CTBP2: variants seen among roughly 807,000 people sequenced by gnomAD.
The protein encoded by CTBP2 is C-terminal-binding protein 2.
In CTBP2, 30 loss-of-function variants were observed where a neutral mutation model predicts 80.3. That is an observed-to-expected ratio of 0.37 (90% CI 0.28 to 0.51). CTBP2 has a LOEUF of 0.51. Among genes scored for constraint, CTBP2 ranks in the 20% least tolerant of loss-of-function variants. The pLI is 0.93. For missense variants in CTBP2, 1,212 were observed against 1,375.3 expected (o/e 0.88, Z 1.88); for synonymous variants, 594 against 587.4 (o/e 1.01, Z -0.16).
At chr10:125,012,650 GTTGTT>G (rs1206396511) in intron 1 of CTBP2, among the ~76,000 whole-genome samples, 1 of 152,208 alleles carries the variant, frequency 6.6e-6, no homozygotes, top group Non-Finnish European at 1.5e-5. Flanking sequence ...TGTTGTTGTT[GTTGTT>G]TTGAGATGGA....
chr10:125,137,274 G>A (rs1476082723), intron 1 of CTBP2, among the ~76,000 whole-genome samples: 1 of 152,168 alleles, frequency 6.6e-6, no homozygotes, highest in Non-Finnish European at 1.5e-5. Flanking sequence ...GTCCCTTCTG[G>A]GGGCAGCGGC....
chr10:125,134,793 TTCCCCCA>T (rs1262916597), intron 1 of CTBP2, among the ~76,000 whole-genome samples: 6 of 101,760 alleles, frequency 5.9e-5, no homozygotes, highest in Non-Finnish European at 9.9e-5. Flanking sequence ...TCCTCCCATC[TTCCCCCA>T]GCCTTTCCCT....
At chr10:125,054,981 C>G (rs150696748) in intron 2 of CTBP2, among the ~76,000 whole-genome samples, 95 of 152,276 alleles carry the variant, frequency 6.2e-4, no homozygotes, top group African/African-American at 2.3e-3. Flanking sequence ...CAGGGCTACG[C>G]TCAACATGCA....
chr10:125,130,016 C>G (rs1037252322), intron 1 of CTBP2, among the ~76,000 whole-genome samples: 5 of 151,216 alleles, frequency 3.3e-5, no homozygotes, highest in Admixed American at 2.6e-4. Flanking sequence ...AAAGAACCCC[C>G]AGGTATAGCC....
rs915173698 is a variant in CTBP2 at position 125,157,455 on chromosome 10, A to C, written c.-206+2864T>G. ...TTACCTTATCTTTCTGAACAGGAAAAAGAATTAAACCCAAACCACCTAGTC... is the reference window on the plus strand; with the variant it reads ...TTACCTTATCTTTCTGAACAGGAAACAGAATTAAACCCAAACCACCTAGTC... On this transcript the variant is annotated intron_variant, in intron 1 of 10. Transcript: ENST00000337195. 3.3e-5 allele frequency among the ~76,000 whole-genome samples: 5 copies of C among 152,178 alleles called. No homozygotes were observed. The East Asian group carries it at 7.7e-4, about 23-fold the overall frequency.
rs558911144 is a variant in CTBP2 at position 125,066,972 on chromosome 10, C to T, written c.-101-27817G>A. Among the ~76,000 whole-genome samples, 10 of 152,266 alleles carry T rather than the reference C, an allele frequency of 6.6e-5. No homozygotes were observed. The East Asian group carries it at 1.7e-3, about 26-fold the overall frequency. Reference sequence around the variant, plus strand: ...GGCAAGGCTGCTGAATTCCTGAAGTCCCCGCCTGACCACCAGGCCCAGGTA... The same window carrying T: ...GGCAAGGCTGCTGAATTCCTGAAGTTCCCGCCTGACCACCAGGCCCAGGTA... On this transcript the variant is annotated intron_variant, in intron 2 of 10. Coordinates refer to the CTBP2 transcript ENST00000337195. The surrounding 1 kb of genome is among the most constrained non-coding windows in gnomAD (Gnocchi z 4.1).
intron 1 of CTBP2, among the ~76,000 whole-genome samples, chr10:125,025,637 C>T (rs571383740): frequency 1.3e-5 from 2 of 152,316 alleles, no homozygotes; most frequent in South Asian, 2.1e-4. Flanking sequence ...CACACGATCA[C>T]GCCCTTCTAA....
intron 2 of CTBP2, among the ~76,000 whole-genome samples, chr10:125,061,121 A>C (rs1363546937): frequency 2.0e-5 from 3 of 152,202 alleles, no homozygotes; most frequent in Non-Finnish European, 4.4e-5. Flanking sequence ...CCTTCCTGGG[A>C]CCATCCCAGC....
intron 2 of CTBP2, among the ~76,000 whole-genome samples, chr10:125,087,743 C>T (rs934865485): frequency 3.3e-5 from 5 of 152,344 alleles, no homozygotes; most frequent in Admixed American, 6.5e-5. Context: ...CCACAGCATG[C>T]CACAACATGC....
In CTBP2 at chr10:124,984,782, T is replaced by C; in HGVS notation, c.*4736A>G. ...TCATATTCCTCCAAAAGCTAGGTAA[T>C]GAGGAACAGCAAGAAAAACTGCTCA... On this transcript the variant is annotated 3_prime_UTR_variant, in exon 9 of 9. Transcript: ENST00000309035. The C allele has an allele frequency of 1.9e-6, 3 of 1,613,442 alleles. No individual in the cohort carries two copies. The highest frequency in any genetic ancestry group is 2.5e-6 in the Non-Finnish European group (3 of 1,179,590).
chr10:125,077,254 A>G (rs1056173803), intron 2 of CTBP2, among the ~76,000 whole-genome samples: 4 of 152,234 alleles, frequency 2.6e-5, no homozygotes, highest in Non-Finnish European at 5.9e-5. Context: ...AGGTTTATAT[A>G]CATAAAGAAA....
chr10:124,995,238 G>A (rs1237858077), intron 4 of CTBP2, among the ~76,000 whole-genome samples: 2 of 152,218 alleles, frequency 1.3e-5, no homozygotes, highest in Admixed American at 1.3e-4. Flanking sequence ...TGGGCGGGAG[G>A]CAGGGCACAT....
intron 2 of CTBP2, among the ~76,000 whole-genome samples, chr10:125,060,256 A>AG (rs11375562): frequency 1 from 152,318 of 152,340 alleles, 76,148 homozygotes; most frequent in Middle Eastern, 1. Flanking sequence ...AGGAAAACAA[A>AG]GCTCTGGAGC....
At chr10:125,082,745 A>C (rs1290620486) in intron 2 of CTBP2, among the ~76,000 whole-genome samples, 1 of 151,842 alleles carries the variant, frequency 6.6e-6, no homozygotes, top group Middle Eastern at 3.2e-3. Flanking sequence ...ACGCCACCAC[A>C]CCTGGCTAAC....
In CTBP2 at chr10:124,986,171, C is replaced by G. The variant is rs1952029080; in HGVS notation, c.*3347G>C. On this transcript the variant is annotated 3_prime_UTR_variant, in exon 9 of 9. Coordinates refer to ENST00000309035, the MANE Select transcript of CTBP2 (RefSeq NM_022802.3). Reference sequence around the variant, plus strand: ...GACCACTTCAGGTATACATTCAATACTGGGTAAAAATTTCAGACCTATCTC... The same window carrying G: ...GACCACTTCAGGTATACATTCAATAGTGGGTAAAAATTTCAGACCTATCTC... 1 of 152,438 alleles carries G rather than the reference C, an allele frequency of 6.6e-6. No homozygotes were observed. Among genetic ancestry groups the G allele is most frequent in the African/African-American group, 2.4e-5 (1 of 41,374 alleles). The allele number at this position is 152,438 out of a possible 1,614,324, so 9.4% of individuals were successfully genotyped here.
chr10:125,089,194 C>T (rs760612340), intron 2 of CTBP2, among the ~76,000 whole-genome samples: 6 of 152,192 alleles, frequency 3.9e-5, no homozygotes, highest in Admixed American at 6.5e-5. Flanking sequence ...GACGTGCTCT[C>T]GACAATAAAT....
At chr10:125,038,699 A>C (rs11599762) in intron 3 of CTBP2, among the ~76,000 whole-genome samples, 13,172 of 152,238 alleles carry the variant, frequency 0.087, 771 homozygotes, top group Admixed American at 0.17. Flanking sequence ...CCTAATCAAC[A>C]CCATCTTTTA....
intron 1 of CTBP2, among the ~76,000 whole-genome samples, chr10:125,148,682 C>T (rs1859258597): frequency 6.6e-6 from 1 of 152,208 alleles, no homozygotes; most frequent in South Asian, 2.1e-4. Context: ...GAATTTACCA[C>T]AGGAGTGTCT....
chr10:125,117,942 C>A (rs1438998420), intron 1 of CTBP2, among the ~76,000 whole-genome samples: 1 of 152,190 alleles, frequency 6.6e-6, no homozygotes, highest in Non-Finnish European at 1.5e-5. Flanking sequence ...GCCCTCTAGG[C>A]AGAAACTTTA....
Sources: gnomAD v4.1 joint callset for allele counts (sites outside exome capture counted in the v4.1 genomes callset) on GRCh38, gnomAD v4.1.1 for gene constraint, Gnocchi (gnomAD v3.1) non-coding constraint, MANE v1.5 for transcripts, NCBI Gene and HGNC (gene_info 2026-07-23, HGNC 2026-07-21) for gene names.